Variants in FILIP1 observed in about 807,000 individuals in gnomAD.
FILIP1 encodes filamin A interacting protein 1.
In FILIP1, 61 loss-of-function variants were observed where a neutral mutation model predicts 102.1. That is an observed-to-expected ratio of 0.60 (90% confidence interval 0.49 to 0.74). The LOEUF (loss-of-function observed/expected upper bound fraction) is 0.74. Ranked by LOEUF, FILIP1 falls within the 30% of genes least tolerant of loss-of-function variation. The pLI is 0.00. For missense variants in FILIP1, 1,314 were observed against 1,441.2 expected, an observed-to-expected ratio of 0.91 and a Z score of 1.43; for synonymous variants, 491 against 526.9, an observed-to-expected ratio of 0.93 and a Z score of 0.93.
intron 2 of FILIP1, among the ~76,000 whole-genome samples, chr6:75,373,649 A>C (rs112065470): frequency 1.3e-5 from 2 of 151,286 alleles, no homozygotes; most frequent in African/African-American, 4.9e-5. Flanking sequence ...GCCTAAAAAA[A>C]TCAACTAAGA....
intron 2 of FILIP1, among the ~76,000 whole-genome samples, chr6:75,410,565 C>T (rs1168127651): frequency 4.6e-5 from 7 of 152,066 alleles, no homozygotes; most frequent in Admixed American, 2.6e-4. Context: ...CAACCTCTGA[C>T]AGGCCCCAGT....
chr6:75,319,887 GCTT>G (rs1242606928), intron 4 of FILIP1: 14 of 461,064 alleles, frequency 3.0e-5, no homozygotes, highest in East Asian at 9.6e-5. Context: ...GCACCTGGGT[GCTT>G]CTTCTTATGC....
In FILIP1 at chr6:75,299,872, T is replaced by G. The variant is rs565598442; in HGVS notation, c.3494-3922A>C. Among the ~76,000 whole-genome samples the G allele has an allele frequency of 2.0e-5, 3 of 152,336 alleles. No homozygotes were observed. The South Asian group carries it at 6.2e-4, about 32-fold the overall frequency. On this transcript the variant is annotated intron_variant, in intron 6 of 6. Transcript: ENST00000393004. Reference sequence around the variant, plus strand: ...TCCTTGGGTGGTATCCCAAAACTACTAGCCAGTCATATGACTTGAGATCCA... The same window carrying G: ...TCCTTGGGTGGTATCCCAAAACTACGAGCCAGTCATATGACTTGAGATCCA...
intron 1 of FILIP1, among the ~76,000 whole-genome samples, chr6:75,490,379 A>C (rs1326092684): frequency 6.6e-6 from 1 of 152,140 alleles, no homozygotes; most frequent in South Asian, 2.1e-4. Flanking sequence ...ATCTCACTCA[A>C]TAAGGCTACA....
intron 2 of FILIP1, 74 bp from the exon 3 acceptor site, chr6:75,362,991 G>A: frequency 7.0e-7 from 1 of 1,430,342 alleles, no homozygotes; most frequent in Non-Finnish European, 9.7e-7. Flanking sequence ...AATCAACAGA[G>A]AGCTTATTGA....
intron 1 of FILIP1, among the ~76,000 whole-genome samples, chr6:75,450,904 G>A (rs1018339082): frequency 2.6e-5 from 4 of 152,098 alleles, no homozygotes; most frequent in Admixed American, 2.0e-4. Flanking sequence ...GCAGTGAGCC[G>A]AGATTGCGCC....
At chr6:75,484,823 T>G (rs1477680554) in intron 1 of FILIP1, among the ~76,000 whole-genome samples, 1 of 152,196 alleles carries the variant, frequency 6.6e-6, no homozygotes, top group African/African-American at 2.4e-5. Context: ...ACAATCAGAC[T>G]AGGGGCAGAT....
intron 4 of FILIP1, among the ~76,000 whole-genome samples, chr6:75,342,879 G>GGT (rs1774459430): frequency 6.6e-6 from 1 of 152,154 alleles, no homozygotes; most frequent in Non-Finnish European, 1.5e-5. Flanking sequence ...AGCTTTCTCT[G>GGT]ACTAAACATA....
intron 2 of FILIP1, among the ~76,000 whole-genome samples, chr6:75,409,635 T>G (rs565989899): frequency 6.6e-6 from 1 of 152,308 alleles, no homozygotes; most frequent in African/African-American, 2.4e-5. Flanking sequence ...TCTGCTAAAA[T>G]GTAGGCATAG....
downstream of FILIP1, among the ~76,000 whole-genome samples, chr6:75,307,000 A>G (rs1235737977): frequency 6.6e-6 from 1 of 151,884 alleles, no homozygotes; most frequent in East Asian, 1.9e-4. Flanking sequence ...ATGGGGTTTC[A>G]CCCTGTTGGC....
intron 4 of FILIP1, among the ~76,000 whole-genome samples, chr6:75,347,640 T>C (rs182769371): frequency 2.5e-4 from 38 of 152,206 alleles, no homozygotes; most frequent in Admixed American, 2.4e-3. Flanking sequence ...ACTTTTCCTA[T>C]AAAGTGGATC....
intron 1 of FILIP1, among the ~76,000 whole-genome samples, chr6:75,421,410 A>G (rs1777458989): frequency 6.6e-6 from 1 of 152,200 alleles, no homozygotes; most frequent in Non-Finnish European, 1.5e-5. Context: ...GGTAACCAGG[A>G]CACAGGTCCC....
exon 7 of FILIP1, chr6:75,295,514 G>T (rs1772645255): frequency 6.4e-6 from 1 of 155,798 alleles, no homozygotes; most frequent in South Asian, 2.1e-4. Context: ...CATTTTGAAT[G>T]CAACAATACC....
chr6:75,441,809 G>A (rs188186041), intron 1 of FILIP1, among the ~76,000 whole-genome samples: 51,392 of 138,548 alleles, frequency 0.37, 9,216 homozygotes, highest in Non-Finnish European at 0.45. Context: ...CTCACCTCCC[G>A]GACGGGGCGG....
In FILIP1 at chr6:75,475,600, T is replaced by C. The variant is rs1454432493; in HGVS notation, c.-7+17814A>G. ...CTCTGATAATATCTTTGTGGGTAGA[T>C]TTTTTAATTTCATAGTGAATTTTGT... On this transcript the variant is annotated intron_variant, in intron 1 of 5. Coordinates refer to ENST00000237172, the MANE Select transcript of FILIP1 (RefSeq NM_015687.5). Among the ~76,000 whole-genome samples the C allele has an allele frequency of 2.6e-5, 4 of 152,222 alleles. No homozygotes were observed. The East Asian group carries it at 7.7e-4, about 29-fold the overall frequency.
At chr6:75,312,268 A>G (rs993304174) in intron 5 of FILIP1, 129 bp downstream of exon 5, 3 of 890,468 alleles carry the variant, frequency 3.4e-6, no homozygotes, top group Non-Finnish European at 5.2e-6. Context: ...GTCCTCTGGG[A>G]AGCATCTGTT....
intron 1 of FILIP1, among the ~76,000 whole-genome samples, chr6:75,487,794 T>C (rs1031375004): frequency 6.6e-6 from 1 of 152,072 alleles, no homozygotes; most frequent in African/African-American, 2.4e-5. Flanking sequence ...AGATAATTCA[T>C]TTCTTTAAAT....
intron 2 of FILIP1, among the ~76,000 whole-genome samples, chr6:75,400,410 C>T (rs1268429114): frequency 6.6e-6 from 1 of 152,028 alleles, no homozygotes; most frequent in African/African-American, 2.4e-5. Context: ...CCTTAAAAGA[C>T]AAACATGGAC....
chr6:75,436,891 C>T (rs1230063213), intron 1 of FILIP1, among the ~76,000 whole-genome samples: 2 of 152,112 alleles, frequency 1.3e-5, no homozygotes, highest in Non-Finnish European at 2.9e-5. Flanking sequence ...TAAATACCCC[C>T]ATCATGGTCA....
Sources: allele counts gnomAD v4.1 joint callset (sites outside exome capture counted in the v4.1 genomes callset), GRCh38; gene constraint gnomAD v4.1.1; transcripts MANE v1.5; gene names NCBI Gene and HGNC (gene_info 2026-07-23, HGNC 2026-07-21).